SAMD12: variants seen among roughly 807,000 people sequenced by gnomAD.
SAMD12 encodes sterile alpha motif domain-containing protein 12.
A neutral mutation model predicts 15.0 loss-of-function variants in SAMD12; 9 were observed. The observed-to-expected ratio is 0.60, with a 90% confidence interval of 0.36 to 1.05. SAMD12 has a LOEUF of 1.05. Ranked by LOEUF, SAMD12 falls within the 50% of genes least tolerant of loss-of-function variation. SAMD12 has a pLI of 0.01. For missense variants in SAMD12, 230 were observed against 234.2 expected (o/e 0.98, Z 0.12); for synonymous variants, 86 against 90.1 (o/e 0.96, Z 0.25).
At chr8:118,185,309 A>T (rs1586321378), downstream of SAMD12, among the ~76,000 whole-genome samples, 1 of 151,916 alleles carries the variant, frequency 6.6e-6, no homozygotes, top group Non-Finnish European at 1.5e-5. Flanking sequence ...TTTAGTGGTG[A>T]TTTCTTGGAT....
intron 4 of SAMD12, among the ~76,000 whole-genome samples, chr8:118,283,724 G>A (rs1813776153): frequency 6.6e-6 from 1 of 152,170 alleles, no homozygotes; most frequent in South Asian, 2.1e-4. Context: ...ACCATGGCTA[G>A]AACTTAGGCA....
exon 5 of SAMD12, chr8:118,191,795 TATATATATATATATATAGAGAGAG>T (rs1563686548): frequency 1.8e-4 from 9 of 49,776 alleles, no homozygotes; most frequent in Non-Finnish European, 3.0e-4. Context: ...TATATATATA[TATATATATATATATATAGAGAGAG>T]AGAGAGAGAG....
chr8:118,439,737 C>T (rs1822676076), intron 3 of SAMD12, 95 bp downstream of exon 3: 1 of 1,232,996 alleles, frequency 8.1e-7, no homozygotes, highest in Non-Finnish European at 1.1e-6. Context: ...AAAATTTCAG[C>T]AGGAAGATGT....
At chr8:118,241,936 G>A (rs772979339) in intron 4 of SAMD12, among the ~76,000 whole-genome samples, 1 of 152,122 alleles carries the variant, frequency 6.6e-6, no homozygotes. Context: ...TTTGGAGACT[G>A]GGTCTCACTC....
At chr8:118,526,936 G>A (rs1825552705) in intron 2 of SAMD12, among the ~76,000 whole-genome samples, 1 of 152,194 alleles carries the variant, frequency 6.6e-6, no homozygotes, top group South Asian at 2.1e-4. Context: ...TCCAGCAACT[G>A]CACTAGTCAT....
intron 2 of SAMD12, among the ~76,000 whole-genome samples, chr8:118,551,903 A>G (rs1425763548): frequency 3.3e-5 from 5 of 151,242 alleles, no homozygotes; most frequent in Non-Finnish European, 7.4e-5. Context: ...AAATACGTCT[A>G]CGCAAATAAA....
At chr8:118,313,927 T>TG (rs1386213025) in intron 4 of SAMD12, among the ~76,000 whole-genome samples, 1 of 151,370 alleles carries the variant, frequency 6.6e-6, no homozygotes, top group Non-Finnish European at 1.5e-5. Flanking sequence ...AGAGAGGAGA[T>TG]GGGGGGATCT....
intron 2 of SAMD12, among the ~76,000 whole-genome samples, chr8:118,451,504 T>C (rs1339490204): frequency 6.6e-6 from 1 of 152,166 alleles, no homozygotes; most frequent in Non-Finnish European, 1.5e-5. Flanking sequence ...ACTATTAAAG[T>C]GAGAAAATAC....
intron 4 of SAMD12, among the ~76,000 whole-genome samples, chr8:118,365,840 C>A (rs1818737548): frequency 6.6e-6 from 1 of 152,098 alleles, no homozygotes; most frequent in Non-Finnish European, 1.5e-5. Context: ...GCTAACTCTT[C>A]TTCCTCTTTT....
intron 2 of SAMD12, among the ~76,000 whole-genome samples, chr8:118,522,426 T>C (rs1228687049): frequency 6.6e-6 from 1 of 152,086 alleles, no homozygotes; most frequent in Non-Finnish European, 1.5e-5. Flanking sequence ...TCAAACTGAA[T>C]TAAGAATGAG....
chr8:118,455,569 T>C (rs948562077), intron 2 of SAMD12, among the ~76,000 whole-genome samples: 6 of 152,286 alleles, frequency 3.9e-5, no homozygotes, highest in Admixed American at 2.6e-4. Context: ...GCTTTAAATA[T>C]TGTCAATAAA....
chr8:118,320,032 A>C (rs892097908), intron 4 of SAMD12, among the ~76,000 whole-genome samples: 3 of 152,138 alleles, frequency 2.0e-5, no homozygotes, highest in Admixed American at 2.0e-4. Context: ...TTAGTGGAGG[A>C]GCCTGTAAAG....
intron 4 of SAMD12, among the ~76,000 whole-genome samples, chr8:118,211,724 C>T (rs1240114132): frequency 2.6e-5 from 4 of 151,734 alleles, no homozygotes; most frequent in Non-Finnish European, 4.4e-5. Context: ...AACAGGATTG[C>T]GAGGGAGTCC....
intron 2 of SAMD12, among the ~76,000 whole-genome samples, chr8:118,551,172 A>G (rs568385909): frequency 9.9e-4 from 151 of 152,322 alleles, no homozygotes; most frequent in African/African-American, 3.5e-3. Context: ...TGCACCAAGC[A>G]GACCTAATAG....
chr8:118,364,958 C>A (rs1470840606), intron 4 of SAMD12, among the ~76,000 whole-genome samples: 1 of 152,102 alleles, frequency 6.6e-6, no homozygotes, highest in Non-Finnish European at 1.5e-5. Flanking sequence ...AGATGTCTTG[C>A]CCCCTGTCTT....
At chr8:118,366,831 T>C (rs1331942874) in intron 4 of SAMD12, among the ~76,000 whole-genome samples, 2 of 72,738 alleles carry the variant, frequency 2.7e-5, no homozygotes, top group East Asian at 6.8e-4. Flanking sequence ...TAAAATAAAA[T>C]AAAATAAAAT....
intron 4 of SAMD12, among the ~76,000 whole-genome samples, chr8:118,372,578 C>G (rs1586620779): frequency 6.6e-6 from 1 of 152,002 alleles, no homozygotes; most frequent in East Asian, 1.9e-4. Flanking sequence ...TCAGCAATTC[C>G]ACTTCTAGAT....
intron 4 of SAMD12, among the ~76,000 whole-genome samples, chr8:118,359,754 G>A (rs1818399231): frequency 6.6e-6 from 1 of 152,152 alleles, no homozygotes; most frequent in East Asian, 1.9e-4. Context: ...TAAAATGACA[G>A]TGCTAAAAAA....
chr8:118,344,133 A>G (rs1367715261), intron 4 of SAMD12, among the ~76,000 whole-genome samples: 2 of 152,218 alleles, frequency 1.3e-5, no homozygotes, highest in Non-Finnish European at 2.9e-5. Flanking sequence ...CCTTGTGCAG[A>G]GGAAGCCCTG....
Sources: gnomAD v4.1 joint callset for allele counts (sites outside exome capture counted in the v4.1 genomes callset) on GRCh38, gnomAD v4.1.1 for gene constraint, MANE v1.5 for transcripts, NCBI Gene and HGNC (gene_info 2026-07-23, HGNC 2026-07-21) for gene names.